Variants in STAU2 observed in about 807,000 individuals in gnomAD.
The protein encoded by STAU2 is double-stranded RNA-binding protein Staufen homolog 2.
STAU2 carries 20 observed loss-of-function variants against 65.9 expected under a neutral mutation model. The ratio of observed to expected loss-of-function variants is 0.30; its 90% CI spans 0.21 to 0.44. The LOEUF is 0.44. STAU2 is among the 20% of genes least tolerant of loss of function. The pLI is 1.00. For synonymous variants in STAU2, 232 were observed against 233.9 expected, an observed-to-expected ratio of 0.99 and a Z score of 0.07; for missense variants, 558 against 683.9, an observed-to-expected ratio of 0.82 and a Z score of 2.05.
intron 13 of STAU2, among the ~76,000 whole-genome samples, chr8:73,546,742 C>T (rs563777681): frequency 2.6e-5 from 4 of 152,172 alleles, no homozygotes; most frequent in Admixed American, 2.6e-4. Context: ...AAAAAAATCT[C>T]CTTAGATATA....
chr8:73,554,664 A>C (rs758317197), intron 12 of STAU2, among the ~76,000 whole-genome samples: 9 of 152,210 alleles, frequency 5.9e-5, no homozygotes, highest in Non-Finnish European at 1.3e-4. Context: ...TTTCTCACAA[A>C]GAAAAATTGC....
At chr8:73,685,410 C>T (rs1454491680) in intron 5 of STAU2, among the ~76,000 whole-genome samples, 1 of 149,926 alleles carries the variant, frequency 6.7e-6, no homozygotes, top group Non-Finnish European at 1.5e-5. Flanking sequence ...TGGAGCCTCG[C>T]TCTGTCACCA....
chr8:73,512,735 CCTTT>C (rs1822481251), intron 13 of STAU2, among the ~76,000 whole-genome samples: 1 of 152,048 alleles, frequency 6.6e-6, no homozygotes. Flanking sequence ...TTTGCTTCTT[CCTTT>C]CAAAGCTACA....
At chr8:73,433,299 G>T (rs1444943297) in intron 13 of STAU2, among the ~76,000 whole-genome samples, 1 of 151,738 alleles carries the variant, frequency 6.6e-6, no homozygotes, top group East Asian at 1.9e-4. Flanking sequence ...CCGCCTCCCG[G>T]GTTCAAGCGA....
chr8:73,551,716 T>G (rs1185868504), intron 13 of STAU2: 1 of 1,051,438 alleles, frequency 9.5e-7, no homozygotes, highest in Non-Finnish European at 1.1e-6. Context: ...AAGAGATAGA[T>G]GCACCTAATC....
Position 73,742,558 on chromosome 8 carries a change from C to T in STAU2, c.-196-2690G>A, listed in dbSNP as rs556421294. Among the ~76,000 whole-genome samples, 6 of 151,584 alleles carry T rather than the reference C, an allele frequency of 4.0e-5. No individual in the cohort carries two copies. In the South Asian group the frequency reaches 1.0e-3, roughly 26 times the overall value. ...AAATAAAAATAATTAAAAAAAAAAT[C>T]CACCTCCTCTATCACAAAAGTTTCC... On this transcript the variant is annotated intron_variant, in intron 1 of 14. Coordinates refer to ENST00000524300, the MANE Select transcript of STAU2 (RefSeq NM_001164380.2).
At chr8:73,611,997 T>C (rs1371998663) in intron 9 of STAU2, among the ~76,000 whole-genome samples, 1 of 152,226 alleles carries the variant, frequency 6.6e-6, no homozygotes, top group African/African-American at 2.4e-5. Flanking sequence ...TTGCCTGGTT[T>C]ATTATTCTTA....
At chr8:73,508,621 G>C (rs771331094) in intron 13 of STAU2, among the ~76,000 whole-genome samples, 1 of 152,180 alleles carries the variant, frequency 6.6e-6, no homozygotes, top group Non-Finnish European at 1.5e-5. Flanking sequence ...GGTGCTGATA[G>C]ACGCTCGACA....
chr8:73,495,662 A>AATAAATATAT (rs1219527730), intron 13 of STAU2, among the ~76,000 whole-genome samples: 1 of 132,502 alleles, frequency 7.5e-6, no homozygotes, highest in Non-Finnish European at 1.6e-5. Flanking sequence ...CATAAAGCCA[A>AATAAATATAT]ATATATATAT....
intron 13 of STAU2, among the ~76,000 whole-genome samples, chr8:73,463,316 A>C (rs528835839): frequency 6.6e-6 from 1 of 152,348 alleles, no homozygotes; most frequent in East Asian, 1.9e-4. Flanking sequence ...GAACTGATGA[A>C]ATACAAATTA....
intron 4 of STAU2, among the ~76,000 whole-genome samples, chr8:73,700,840 A>C (rs550310773): frequency 6.6e-6 from 1 of 152,180 alleles, no homozygotes; most frequent in Admixed American, 6.5e-5. Flanking sequence ...AAAGAACATA[A>C]CTGGAGGGAC....
Position 73,566,246 on chromosome 8 carries a change from C to G in STAU2, c.1223-13927G>C, listed in dbSNP as rs541855230. Among the ~76,000 whole-genome samples the G allele has an allele frequency of 3.0e-4, 45 of 152,192 alleles. No homozygotes were observed. In the South Asian group the frequency reaches 3.5e-3, roughly 12 times the overall value. Reference sequence around the variant, plus strand: ...CACTTGAATAACATCACCCAAAAAGCCTGTTGAGTGTTTTTTAAATTTGAC... The same window carrying G: ...CACTTGAATAACATCACCCAAAAAGGCTGTTGAGTGTTTTTTAAATTTGAC... On this transcript the variant is annotated intron_variant, in intron 12 of 14. Coordinates refer to ENST00000524300, the MANE Select transcript of STAU2 (RefSeq NM_001164380.2).
intron 13 of STAU2, among the ~76,000 whole-genome samples, chr8:73,463,872 A>C (rs1228710694): frequency 1.3e-5 from 2 of 152,132 alleles, no homozygotes; most frequent in Non-Finnish European, 2.9e-5. Flanking sequence ...GGGATCTTTC[A>C]TTTTCTCCTT....
intron 6 of STAU2, among the ~76,000 whole-genome samples, chr8:73,649,788 T>C (rs1430144955): frequency 6.7e-6 from 1 of 149,812 alleles, no homozygotes; most frequent in African/African-American, 2.4e-5. Context: ...AGGTTTTAGA[T>C]ATCTTTGAGA....
At chr8:73,690,638 A>G (rs976483708) in intron 4 of STAU2, among the ~76,000 whole-genome samples, 28 of 152,212 alleles carry the variant, frequency 1.8e-4, no homozygotes, top group African/African-American at 6.3e-4. Context: ...AGGAAAAATT[A>G]TATGTCAATA....
chr8:73,493,128 T>A (rs1024100595), intron 13 of STAU2, among the ~76,000 whole-genome samples: 38 of 151,908 alleles, frequency 2.5e-4, no homozygotes, highest in Admixed American at 1.3e-3. Flanking sequence ...ACACACAAAA[T>A]TTAACTTGAG....
intron 13 of STAU2, chr8:73,551,721 CT>C: frequency 9.4e-7 from 1 of 1,058,448 alleles, no homozygotes; most frequent in Middle Eastern, 2.5e-4. Context: ...ATAGATGCAC[CT>C]AATCAAGACC....
intron 13 of STAU2, among the ~76,000 whole-genome samples, chr8:73,532,673 T>C (rs1197144755): frequency 6.6e-6 from 1 of 152,134 alleles, no homozygotes; most frequent in Non-Finnish European, 1.5e-5. Flanking sequence ...AACTTTAAGC[T>C]CTGAAAAGAG....
intron 5 of STAU2, among the ~76,000 whole-genome samples, chr8:73,685,266 G>A (rs1385777839): frequency 6.6e-6 from 1 of 151,952 alleles, no homozygotes; most frequent in Non-Finnish European, 1.5e-5. Context: ...GTTCTTTATA[G>A]CAGTGTGAGA....
Sources: allele counts gnomAD v4.1 joint callset (sites outside exome capture counted in the v4.1 genomes callset), GRCh38; gene constraint gnomAD v4.1.1; transcripts MANE v1.5; gene names NCBI Gene and HGNC (gene_info 2026-07-23, HGNC 2026-07-21).